The following PDE1A variants were observed in gnomAD, a reference collection of about 807,000 sequenced individuals.
The protein encoded by PDE1A is phosphodiesterase 1A, also known as dual specificity calcium/calmodulin-dependent 3',5'-cyclic nucleotide phosphodiesterase 1A.
A neutral mutation model predicts 61.7 loss-of-function variants in PDE1A; 35 were observed. The observed-to-expected ratio is 0.57, with a 90% CI of 0.43 to 0.75. PDE1A has a LOEUF of 0.75. Ranked by LOEUF, PDE1A falls within the 30% of genes least tolerant of loss-of-function variation. The pLI is 0.00. For missense variants in PDE1A, 597 were observed against 630.6 expected (o/e 0.95, Z 0.57); for synonymous variants, 232 against 213.2 (o/e 1.09, Z -0.77).
At chr2:182,194,918 C>T (rs965573158) in intron 10 of PDE1A, among the ~76,000 whole-genome samples, 3 of 146,460 alleles carry the variant, frequency 2.0e-5, no homozygotes, top group Admixed American at 2.0e-4. Context: ...CACACACACA[C>T]GAACCTTTCT....
Position 182,463,155 on chromosome 2 carries a change from C to T in PDE1A, c.101+59121G>A, listed in dbSNP as rs540745661. Reference sequence around the variant, plus strand: ...ACTCGGGAGGCTGAGGCGAGAATCCCTTGAACCCAGGAGGCGGAGGTTGCA... The same window carrying T: ...ACTCGGGAGGCTGAGGCGAGAATCCTTTGAACCCAGGAGGCGGAGGTTGCA... On this transcript the variant is annotated intron_variant, in intron 2 of 14. Transcript: ENST00000410103. Among the ~76,000 whole-genome samples the T allele has an allele frequency of 5.9e-5, 9 of 152,176 alleles. No homozygotes were observed. In the South Asian group the frequency reaches 1.2e-3, roughly 21 times the overall value.
At chr2:182,680,960 G>A in the PDE1A span, among the ~76,000 whole-genome samples, 8 of 152,158 alleles carry the variant, frequency 5.3e-5, no homozygotes, top group African/African-American at 1.9e-4. Context: ...CTAGAAAAGG[G>A]GTGGTAACTT....
the PDE1A span, among the ~76,000 whole-genome samples, chr2:182,705,876 T>G: frequency 6.6e-6 from 1 of 152,236 alleles, no homozygotes; most frequent in Non-Finnish European, 1.5e-5. Context: ...TATATTTAGT[T>G]GCAGAATATT....
chr2:182,418,115 C>T (rs1232244573), intron 1 of PDE1A, among the ~76,000 whole-genome samples: 2 of 152,098 alleles, frequency 1.3e-5, no homozygotes, highest in African/African-American at 4.8e-5. Flanking sequence ...CATAAGGAAG[C>T]TCTGTTTTAT....
chr2:182,182,427 C>T (rs1230185585), intron 13 of PDE1A, among the ~76,000 whole-genome samples: 4 of 152,130 alleles, frequency 2.6e-5, no homozygotes, highest in Non-Finnish European at 5.9e-5. Context: ...CCCTCTCAAC[C>T]ATTACTACTT....
chr2:182,704,687 T>C, the PDE1A span, among the ~76,000 whole-genome samples: 1 of 152,248 alleles, frequency 6.6e-6, no homozygotes, highest in East Asian at 1.9e-4. Context: ...TGGCAGCATT[T>C]TACCTTTCTG....
chr2:182,321,130 A>C (rs1356923723), intron 1 of PDE1A, among the ~76,000 whole-genome samples: 1 of 152,190 alleles, frequency 6.6e-6, no homozygotes, highest in Non-Finnish European at 1.5e-5. Context: ...AAGCAGATAG[A>C]TGTTTTGCAT....
the PDE1A span, among the ~76,000 whole-genome samples, chr2:182,556,131 T>C: frequency 6.6e-6 from 1 of 152,016 alleles, no homozygotes; most frequent in Non-Finnish European, 1.5e-5. Context: ...AAGGGAGTGA[T>C]GTACATAAGA....
At chr2:182,691,290 C>T in the PDE1A span, among the ~76,000 whole-genome samples, 1 of 152,284 alleles carries the variant, frequency 6.6e-6, no homozygotes, top group South Asian at 2.1e-4. Flanking sequence ...TACTACAAGG[C>T]TACAGTAACC....
chr2:182,164,016 C>T (rs1416389520), downstream of PDE1A, among the ~76,000 whole-genome samples: 1 of 152,202 alleles, frequency 6.6e-6, no homozygotes, highest in Non-Finnish European at 1.5e-5. Context: ...AGCTCTTGAC[C>T]TGCTACTAGG....
downstream of PDE1A, chr2:182,147,010 G>A (rs1321462825): frequency 4.9e-6 from 5 of 1,012,966 alleles, no homozygotes; most frequent in Non-Finnish European, 7.5e-6. Context: ...TAGAAGTTAA[G>A]TTTCTGGTCT....
At chr2:182,179,018 A>C (rs1202923388) in intron 13 of PDE1A, among the ~76,000 whole-genome samples, 1 of 152,158 alleles carries the variant, frequency 6.6e-6, no homozygotes, top group Non-Finnish European at 1.5e-5. Flanking sequence ...CATCTAAAGA[A>C]GGAGGAAAGA....
intron 2 of PDE1A, among the ~76,000 whole-genome samples, chr2:182,473,957 A>G (rs992894028): frequency 6.6e-6 from 1 of 151,980 alleles, no homozygotes; most frequent in Non-Finnish European, 1.5e-5. Context: ...ATACATGTGC[A>G]TGTATCTCTA....
rs933096193 is a variant in PDE1A at position 182,168,352 on chromosome 2, G to GA, written c.1517-63dup. On this transcript the variant is annotated intron_variant, in intron 13 of 13. Transcript: ENST00000351439. ...AGAGAAAATGCTGTAAAGAAGTTAT[G>GA]AAAAAAAGTAATTCTCATTTATAAT... 7.7e-6 allele frequency: 11 copies of GA among 1,420,352 alleles called. No individual in the cohort carries two copies. The East Asian group carries it at 2.2e-4, about 28-fold the overall frequency. The allele number at this position is 1,420,352 out of a possible 1,614,324, so 88.0% of individuals were successfully genotyped here.
the PDE1A span, among the ~76,000 whole-genome samples, chr2:182,672,308 A>C: frequency 0.65 from 99,315 of 152,100 alleles, 32,801 homozygotes; most frequent in Middle Eastern, 0.78. Flanking sequence ...AACAGCATGT[A>C]TGCACCTTAA....
At chr2:182,159,510 T>C (rs1399861204) in intron 13 of PDE1A, among the ~76,000 whole-genome samples, 4 of 152,208 alleles carry the variant, frequency 2.6e-5, no homozygotes, top group Admixed American at 2.6e-4. Flanking sequence ...CTCGACTGAT[T>C]GATGGACAGC....
At chr2:182,462,571 C>G (rs1686379793) in intron 2 of PDE1A, among the ~76,000 whole-genome samples, 2 of 151,840 alleles carry the variant, frequency 1.3e-5, no homozygotes. Context: ...ATGGGCCCTG[C>G]CTTTTAGCAT....
At chr2:182,524,547 C>T (rs923095647), upstream of PDE1A, among the ~76,000 whole-genome samples, 7 of 151,974 alleles carry the variant, frequency 4.6e-5, no homozygotes, top group Non-Finnish European at 1.0e-4. Flanking sequence ...TATACTAATT[C>T]GGTCACTTAC....
the PDE1A span, among the ~76,000 whole-genome samples, chr2:182,620,212 T>C: frequency 6.6e-6 from 1 of 152,132 alleles, no homozygotes; most frequent in Non-Finnish European, 1.5e-5. Context: ...ATTAATTGAG[T>C]CAATTTGAGC....
Sources: gnomAD v4.1 joint callset for allele counts (sites outside exome capture counted in the v4.1 genomes callset) on GRCh38, gnomAD v4.1.1 for gene constraint, MANE v1.5 for transcripts, NCBI Gene and HGNC (gene_info 2026-07-23, HGNC 2026-07-21) for gene names.